The following SLC44A2 variants were observed in gnomAD, a reference collection of about 807,000 sequenced individuals.
The protein encoded by SLC44A2 is solute carrier family 44 member 2 (CTL2 blood group).
A neutral mutation model predicts 90.8 loss-of-function variants in SLC44A2; 57 were observed. That is an observed-to-expected ratio of 0.63 (90% confidence interval 0.51 to 0.78). The LOEUF is 0.78. SLC44A2 is among the 30% of genes least tolerant of loss of function. The pLI is 0.00. For missense variants in SLC44A2, 794 were observed against 919.7 expected (o/e 0.86, Z 1.77); for synonymous variants, 355 against 360.7 (o/e 0.98, Z 0.18).
At position 10,636,982 on chromosome 19, in the gene SLC44A2, C is replaced by G. The variant is rs116447713; in HGVS notation, c.1591+226C>G. ...AATTCTTGCTGTTGAGGGGACAGGCCCAAGAGGCCTGGCCCACCATTGGTT... is the reference window on the plus strand; with the variant it reads ...AATTCTTGCTGTTGAGGGGACAGGCGCAAGAGGCCTGGCCCACCATTGGTT... On this transcript the variant is annotated intron_variant, in intron 16 of 21. Coordinates refer to ENST00000335757, the MANE Select transcript of SLC44A2 (RefSeq NM_020428.4). The G allele has an allele frequency of 9.6e-3, 4,997 of 518,342 alleles. 185 individuals carry two copies. Among genetic ancestry groups the G allele is most frequent in the African/African-American group, 0.083 (4,297 of 51,582 alleles). The allele number at this position is 518,342 out of a possible 1,614,324, so 32.1% of individuals were successfully genotyped here. A position where few individuals can be genotyped will look rare whatever the true frequency, so the allele number is the denominator to read the frequency against.
chr19:10,623,337 C>A (rs1444124195), upstream of SLC44A2, among the ~76,000 whole-genome samples: 4 of 151,960 alleles, frequency 2.6e-5, no homozygotes, highest in Non-Finnish European at 5.9e-5. Flanking sequence ...GAGTTAGTGA[C>A]CAGAGCCCTG....
At chr19:10,605,823 G>A (rs1328145869) in intron 1 of SLC44A2, among the ~76,000 whole-genome samples, 4 of 151,444 alleles carry the variant, frequency 2.6e-5, no homozygotes, top group Non-Finnish European at 4.4e-5. Flanking sequence ...GTGAAACCCC[G>A]TCTCTATTAA....
chr19:10,632,594 G>A (rs1419861515), intron 10 of SLC44A2, among the ~76,000 whole-genome samples: 2 of 151,196 alleles, frequency 1.3e-5, no homozygotes, highest in African/African-American at 2.4e-5. Context: ...GCATACTCTG[G>A]TATCAGAATA....
Position 10,625,653 on chromosome 19 carries a change from A to G in SLC44A2, c.20A>G (p.His7Arg). 8.0e-7 allele frequency: 1 copy of G among 1,250,352 alleles called. No individual in the cohort carries two copies. The highest frequency in any genetic ancestry group is 1.0e-6 in the Non-Finnish European group (1 of 991,488). The allele number at this position is 1,250,352 out of a possible 1,614,324, so 77.5% of individuals were successfully genotyped here. Residue 7 changes from histidine to arginine, a missense_variant, in exon 1 of 22, where the codon CAC (histidine) becomes CGC (arginine). His to Arg is a conservative substitution (Grantham distance 29). Transcript: ENST00000335757. MGDERP[H>R]YYGKHGTPQK... Reference sequence around the variant, plus strand: ...GCAGGGATGGGGGACGAGCGGCCCCACTACTACGGGAAACACGGTAGGCAG... The same window carrying G: ...GCAGGGATGGGGGACGAGCGGCCCCGCTACTACGGGAAACACGGTAGGCAG...
rs2067002418 is a variant in SLC44A2, at chr19:10,632,061, T to C, written c.728T>C (p.Met243Thr). The part of the protein sequence containing the change: ...YWIIIGLVIA[M>T]AMSLLFIILL... ...TTCCCCAGAGGCCTGGTCATTGCCA[T>C]GGCGATGAGCCTCCTGTTCATCATC... Residue 243 changes from methionine to threonine, a missense_variant, in exon 10 of 22, where the codon ATG becomes ACG. Physicochemically the swap from Met to Thr is moderately conservative, Grantham distance 81 (BLOSUM62 -1). Transcript: ENST00000335757. The C allele has an allele frequency of 6.2e-7, 1 of 1,614,132 alleles. No homozygotes were observed. The highest frequency in any genetic ancestry group is 2.2e-5 in the East Asian group (1 of 44,876).
At chr19:10,607,731 A>ATTT (rs1340708794) in intron 1 of SLC44A2, among the ~76,000 whole-genome samples, 1 of 144,572 alleles carries the variant, frequency 6.9e-6, no homozygotes, top group Non-Finnish European at 1.5e-5. Flanking sequence ...TTCCTCAATC[A>ATTT]TTTATTATTA....
Position 10,616,889 on chromosome 19 carries a change from C to T in SLC44A2, c.32-9364C>T, listed in dbSNP as rs147926306. ...TCCCTGGTAGCTGGGACTACAGGCA[C>T]GGACCACCACGCCCAGCTTGTTCTT... On this transcript the variant is annotated intron_variant, in intron 1 of 21. Coordinates refer to the SLC44A2 transcript ENST00000407327. 3.8e-3 allele frequency among the ~76,000 whole-genome samples: 571 copies of T among 152,146 alleles called. 6 individuals are homozygous for T. The highest frequency in any genetic ancestry group is 0.011 in the African/African-American group (466 of 41,534).
At chr19:10,618,773 C>G (rs900892433) in intron 1 of SLC44A2, among the ~76,000 whole-genome samples, 3 of 151,348 alleles carry the variant, frequency 2.0e-5, no homozygotes, top group Non-Finnish European at 4.4e-5. Context: ...AGGGTTTCGC[C>G]GTGTTGCCCA....
At chr19:10,619,551 A>G (rs1033733558) in intron 1 of SLC44A2, among the ~76,000 whole-genome samples, 1 of 151,774 alleles carries the variant, frequency 6.6e-6, no homozygotes, top group Admixed American at 6.6e-5. Flanking sequence ...GTCTCAATAT[A>G]TTGCCCAGGC....
At position 10,643,594 on chromosome 19, in the gene SLC44A2, C is replaced by A; in HGVS notation, c.*209C>A. The A allele has an allele frequency of 1.9e-6, 1 of 518,646 alleles. No homozygotes were observed. Among genetic ancestry groups the A allele is most frequent in the Non-Finnish European group, 3.3e-6 (1 of 303,316 alleles). 32.1% of individuals were successfully genotyped at this position (518,646 alleles called of 1,614,324 possible). A position where few individuals can be genotyped will look rare whatever the true frequency, so the allele number is the denominator to read the frequency against. ...GGGCGCTTGGAGTTTTCATGGCTGC[C>A]CCTCCAGACTGCGAGAAACAAGTAA... is the stretch of plus-strand genomic sequence containing the variant. On this transcript the variant is annotated 3_prime_UTR_variant, in exon 22 of 22. Coordinates refer to ENST00000335757, the MANE Select transcript of SLC44A2 (RefSeq NM_020428.4).
intron 6 of SLC44A2, 41 bp downstream of exon 6, chr19:10,631,426 G>A (rs759072928): frequency 1.9e-5 from 31 of 1,613,818 alleles, no homozygotes; most frequent in Non-Finnish European, 1.9e-5. Flanking sequence ...TATGGGCAGT[G>A]GCAGTGTACT....
chr19:10,602,490 GT>G, upstream of SLC44A2: 12 of 1,229,838 alleles, frequency 9.8e-6, no homozygotes, highest in Non-Finnish European at 1.2e-5. Flanking sequence ...CCGGGCTGGG[GT>G]CGCGCTGGCT....
rs748964300 is a variant in SLC44A2, at chr19:10,631,493, C to G, written c.460C>G (p.Gln154Glu). The G allele has an allele frequency of 2.2e-5, 36 of 1,613,896 alleles. 1 individual carries two copies. In the South Asian group the frequency reaches 4.0e-4, roughly 18 times the overall value. Reference protein sequence around the residue: ...KNNKGVAEVLQDGDCPAVLIP... With the variant: ...KNNKGVAEVLEDGDCPAVLIP... ...TTGGCAGGGAGTGGCTGAGGTGCTT[C>G]AAGATGGTGACTGCCCTGCTGTCCT... is the stretch of plus-strand genomic sequence containing the variant. Residue 154 changes from glutamine (Q) to glutamate (E), a missense_variant, in exon 7 of 22, where the codon CAA (glutamine) becomes GAA (glutamate). Physicochemically the swap from Gln to Glu is conservative, Grantham distance 29 (BLOSUM62 2). Around this residue, in one of 3 missense-constraint regions of SLC44A2, gnomAD observed 738 missense variants for 841.1 expected, o/e 0.88. Transcript: ENST00000335757.
rs1221332452 is a variant in SLC44A2, at chr19:10,638,087, A to T, written c.1834A>T (p.Ser612Cys). The T allele has an allele frequency of 6.2e-7, 1 of 1,613,020 alleles. No homozygotes were observed. The highest frequency in any genetic ancestry group is 8.5e-7 in the Non-Finnish European group (1 of 1,179,790). Residue 612 changes from serine to cysteine, a missense_variant, in exon 19 of 22, where the codon AGT becomes TGT. Around this residue, in one of 3 missense-constraint regions of SLC44A2, gnomAD observed 738 missense variants for 841.1 expected, o/e 0.88. Coordinates refer to ENST00000335757, the MANE Select transcript of SLC44A2 (RefSeq NM_020428.4). ...FLLGKLLIVG[S>C]VGILAFFFFT... ...GTTGGGCAAACTTCTGATCGTTGGTAGTGTGGGTGAGTGCCGCCCACCTAG... is the reference window on the plus strand; with the variant it reads ...GTTGGGCAAACTTCTGATCGTTGGTTGTGTGGGTGAGTGCCGCCCACCTAG...
chr19:10,639,433 C>T (rs1197301139), intron 20 of SLC44A2, among the ~76,000 whole-genome samples: 2 of 71,494 alleles, frequency 2.8e-5, no homozygotes, highest in African/African-American at 1.6e-4. Context: ...GGGGGCTGGG[C>T]AGGTGTGGGG....
At position 10,631,919 on chromosome 19, in the gene SLC44A2, A is replaced by G. The variant is rs2067000326; in HGVS notation, c.678A>G (p.Glu226=). The G allele has an allele frequency of 6.2e-7, 1 of 1,614,230 alleles. No homozygotes were observed. The highest frequency in any genetic ancestry group is 8.5e-7 in the Non-Finnish European group (1 of 1,180,044). The change falls in exon 9 of 22, where the codon GAA becomes GAG. Residue 226 remains glutamate (E), a synonymous_variant. Transcript: ENST00000335757. ...GGCAACTCGCCATGCGCATATTTGA[A>G]GATTACACCGTCTCTTGGTACTGGA... ...EARQLAMRIF[E]DYTVSWYWII...
Position 10,635,493 on chromosome 19 carries a change from C to T in SLC44A2, c.1211C>T (p.Thr404Ile), listed in dbSNP as rs781723158. The T allele has an allele frequency of 7.4e-6, 12 of 1,613,840 alleles. 1 individual carries two copies. The highest frequency in any genetic ancestry group is 3.3e-4 in the Middle Eastern group (2 of 6,084). Residue 404 changes from threonine to isoleucine, a missense_variant, in exon 14 of 22, where the codon ACT becomes ATT. Coordinates refer to ENST00000335757, the MANE Select transcript of SLC44A2 (RefSeq NM_020428.4). ...KIFDDSPCPF[T>I]AKTCNPETFP... ...TTTGATGACAGCCCCTGCCCATTTA[C>T]TGCGAAAACCTGCAACCCAGAGGTG...
chr19:10,616,690 C>A (rs374226982), intron 1 of SLC44A2, among the ~76,000 whole-genome samples: 1 of 151,914 alleles, frequency 6.6e-6, no homozygotes, highest in Non-Finnish European at 1.5e-5. Flanking sequence ...TATGGTGAAA[C>A]CCTGTCTCTA....
At chr19:10,612,278 G>A (rs892079) in intron 1 of SLC44A2, among the ~76,000 whole-genome samples, 3,706 of 152,058 alleles carry the variant, frequency 0.024, 150 homozygotes, top group African/African-American at 0.084. Flanking sequence ...AGTCTGAGGC[G>A]GGAGGATCAC....
Sources: gnomAD v4.1 joint callset for allele counts (sites outside exome capture counted in the v4.1 genomes callset) on GRCh38, gnomAD v4.1.1 for gene constraint, gnomAD v4.1.1 regional missense constraint, MANE v1.5 for transcripts, NCBI Gene and HGNC (gene_info 2026-07-23, HGNC 2026-07-21) for gene names.